Variants in RICTOR observed in about 807,000 individuals in gnomAD.
RICTOR encodes rapamycin-insensitive companion of mTOR.
Under a neutral mutation model 214.9 loss-of-function variants are expected in RICTOR, and 49 were observed. The observed-to-expected ratio is 0.23, with a 90% confidence interval of 0.18 to 0.29. The LOEUF is 0.29. Ranked by LOEUF, RICTOR falls within the 10% of genes least tolerant of loss-of-function variation. The pLI is 1.00. For missense variants in RICTOR, 1,625 were observed against 2,047.0 expected, an observed-to-expected ratio of 0.79 and a Z score of 3.98; for synonymous variants, 717 against 711.3, an observed-to-expected ratio of 1.01 and a Z score of -0.13.
chr5:38,994,707 T>C (rs1198803137), intron 6 of RICTOR, among the ~76,000 whole-genome samples: 1 of 132,790 alleles, frequency 7.5e-6, no homozygotes, highest in Non-Finnish European at 1.6e-5. Flanking sequence ...ATATTTTTGT[T>C]ATGCTATTAT....
Position 38,954,833 on chromosome 5 carries a change from T to G in RICTOR, c.2638A>C (p.Ile880Leu). ...TGTACTAGTTGTCCATAAAGGTGTA[T>G]AGGCAGGTAGACGTGAGGACGCTGT... ...RLQRPHVYLP[I>L]HLYGQLVHHK... is the part of the protein sequence containing the mutation. Residue 880 changes from isoleucine to leucine, a missense_variant, in exon 27 of 38, where the codon ATA becomes CTA. Around this residue, in one of 5 missense-constraint regions of RICTOR, gnomAD observed 1,214 missense variants for 1,470.5 expected, o/e 0.83. Coordinates refer to ENST00000357387, the MANE Select transcript of RICTOR (RefSeq NM_152756.5). 6.2e-7 allele frequency: 1 copy of G among 1,602,564 alleles called. No individual in the cohort carries two copies. The highest frequency in any genetic ancestry group is 1.1e-5 in the South Asian group (1 of 90,632).
At chr5:39,027,629 A>G (rs1353867054) in intron 2 of RICTOR, among the ~76,000 whole-genome samples, 2 of 152,176 alleles carry the variant, frequency 1.3e-5, no homozygotes, top group Non-Finnish European at 2.9e-5. Context: ...TTTATTTTTT[A>G]GAGTACTTCT....
rs1561501209 is a variant in RICTOR, at chr5:38,990,585, C to T, written c.583+364G>A. 3.4e-4 allele frequency among the ~76,000 whole-genome samples: 47 copies of T among 139,468 alleles called. 1 individual carries two copies. The highest frequency in any genetic ancestry group is 1.2e-3 in the African/African-American group (42 of 36,294). 91.5% of individuals were successfully genotyped at this position (139,468 alleles called of 152,430 possible). ...ATATACACGATATATATGATATATA[C>T]ATGATATATACGATATATATGATAT... is the stretch of plus-strand genomic sequence containing the variant. On this transcript the variant is annotated intron_variant, in intron 7 of 37. Transcript: ENST00000357387.
intron 2 of RICTOR, among the ~76,000 whole-genome samples, chr5:39,070,988 T>C (rs1279109673): frequency 6.6e-6 from 1 of 152,216 alleles, no homozygotes; most frequent in Admixed American, 6.5e-5. Flanking sequence ...TCTACTATAA[T>C]GAAGTTCCTA....
intron 2 of RICTOR, among the ~76,000 whole-genome samples, chr5:39,034,884 T>C (rs1472084461): frequency 1.3e-5 from 2 of 152,226 alleles, no homozygotes; most frequent in African/African-American, 4.8e-5. Flanking sequence ...GCTCCACCTC[T>C]GGGGGCAGGG....
intron 37 of RICTOR, 127 bp from the exon 38 acceptor site, chr5:38,942,505 C>T (rs1430670639): frequency 1.4e-5 from 7 of 490,626 alleles, no homozygotes; most frequent in Non-Finnish European, 2.5e-5. Context: ...GGATGCAGCA[C>T]AATGTTGCCA....
intron 2 of RICTOR, among the ~76,000 whole-genome samples, chr5:39,039,139 C>G (rs1046968982): frequency 1.3e-5 from 2 of 152,128 alleles, no homozygotes; most frequent in African/African-American, 4.8e-5. Flanking sequence ...TGGAACAGAA[C>G]AGAGCCCGCA....
Position 38,958,695 on chromosome 5 carries a change from T to C in RICTOR, c.2315A>G (p.Asp772Gly). The C allele has an allele frequency of 6.2e-7, 1 of 1,609,466 alleles. No individual in the cohort carries two copies. Among genetic ancestry groups the C allele is most frequent in the Non-Finnish European group, 8.5e-7 (1 of 1,178,344 alleles). ...KNKTISSEAL[D>G]ILDEACEDKA... ...GTCTTCACATGCTTCATCGAGGATA[T>C]CAAGAGCTTCAGAGGAAATCGTTTT... The change falls in exon 23 of 38, where the codon GAT (aspartate) becomes GGT (glycine). Residue 772 changes from aspartate (D) to glycine (G), a missense_variant. Asp to Gly is a moderately conservative substitution (Grantham distance 94, BLOSUM62 -1). Coordinates refer to ENST00000357387, the MANE Select transcript of RICTOR (RefSeq NM_152756.5).
chr5:39,070,446 G>A (rs192163376), intron 2 of RICTOR, among the ~76,000 whole-genome samples: 3,853 of 152,052 alleles, frequency 0.025, 71 homozygotes, highest in South Asian at 0.082. Context: ...TCCGCAGTCC[G>A]GCCTGGGCGA....
In RICTOR at chr5:38,940,769, T is replaced by G. The variant is rs1747480155; in HGVS notation, c.*1535A>C. The G allele has an allele frequency of 4.3e-6, 1 of 232,206 alleles. No individual in the cohort carries two copies. The highest frequency in any genetic ancestry group is 6.1e-5 in the East Asian group (1 of 16,320). The allele number at this position is 232,206 out of a possible 1,614,324, so 14.4% of individuals were successfully genotyped here. On this transcript the variant is annotated 3_prime_UTR_variant, in exon 38 of 38. Transcript: ENST00000357387. ...GGAACTTTCAGTTCCAGTAAATAAA[T>G]TTTTTAAAAAAGTATCTCTGTGAGT...
chr5:38,976,992 G>A (rs1751290224), intron 9 of RICTOR, among the ~76,000 whole-genome samples: 1 of 152,228 alleles, frequency 6.6e-6, no homozygotes, highest in Non-Finnish European at 1.5e-5. Flanking sequence ...ATAAGAAAGA[G>A]TATACAGCAT....
chr5:39,027,954 A>G (rs1755961079), intron 2 of RICTOR, among the ~76,000 whole-genome samples: 2 of 152,112 alleles, frequency 1.3e-5, no homozygotes, highest in Admixed American at 1.3e-4. Flanking sequence ...ACAAATCAAC[A>G]ATAAAATAAC....
At chr5:38,943,141 A>G in intron 36 of RICTOR, 170 bp from the exon 37 acceptor site, 1 of 449,748 alleles carries the variant, frequency 2.2e-6, no homozygotes, top group Non-Finnish European at 3.8e-6. Context: ...TCACACACTT[A>G]GACATTCTGA....
At chr5:39,042,327 T>C (rs1298608889) in intron 2 of RICTOR, among the ~76,000 whole-genome samples, 1 of 152,220 alleles carries the variant, frequency 6.6e-6, no homozygotes, top group Non-Finnish European at 1.5e-5. Flanking sequence ...ACTAATACTA[T>C]ACACACAGAG....
At chr5:39,005,459 T>C in intron 3 of RICTOR, among the ~76,000 whole-genome samples, 1 of 152,194 alleles carries the variant, frequency 6.6e-6, no homozygotes, top group African/African-American at 2.4e-5. Context: ...TAAATGTAGA[T>C]ACTGTATTAT....
rs113804241 is a variant in RICTOR, at chr5:38,990,853, T to TAG, written c.583+95_583+96insCT. 8.4e-4 allele frequency: 399 copies of TAG among 474,026 alleles called. 22 individuals carry two copies. The highest frequency in any genetic ancestry group is 7.7e-3 in the African/African-American group (363 of 47,446). The allele number at this position is 474,026 out of a possible 1,614,324, so 29.4% of individuals were successfully genotyped here. A position where few individuals can be genotyped will look rare whatever the true frequency, so the allele number is the denominator to read the frequency against. On this transcript the variant is annotated intron_variant, in intron 7 of 37. Coordinates refer to ENST00000357387, the MANE Select transcript of RICTOR (RefSeq NM_152756.5). ...TATATGAGATATATGAGATATATGA[T>TAG]ATATATATGATAGATATATGATAGA...
chr5:38,966,822 C>G, intron 14 of RICTOR, 101 bp from the exon 15 acceptor site: 1 of 584,478 alleles, frequency 1.7e-6, no homozygotes. Context: ...TTTTTTAAGA[C>G]AAGAGGCTTG....
intron 12 of RICTOR, 89 bp from the exon 13 acceptor site, chr5:38,967,516 A>C (rs1750337794): frequency 1.0e-6 from 1 of 986,122 alleles, no homozygotes; most frequent in Non-Finnish European, 1.5e-6. Context: ...CCAGGCTATA[A>C]AGAACTTTAA....
chr5:39,048,768 GCT>G (rs1365719428), intron 2 of RICTOR, among the ~76,000 whole-genome samples: 28 of 152,278 alleles, frequency 1.8e-4, no homozygotes, highest in African/African-American at 6.5e-4. Context: ...AATTTCAGAA[GCT>G]CTGCTTTAGA....
Sources: gnomAD v4.1 joint callset for allele counts (sites outside exome capture counted in the v4.1 genomes callset) on GRCh38, gnomAD v4.1.1 for gene constraint, gnomAD v4.1.1 regional missense constraint, MANE v1.5 for transcripts, NCBI Gene and HGNC (gene_info 2026-07-23, HGNC 2026-07-21) for gene names.